SYN3: variants seen among roughly 807,000 people sequenced by gnomAD.
SYN3 encodes synapsin III.
In SYN3, 35 loss-of-function variants were observed where a neutral mutation model predicts 65.8. The ratio of observed to expected loss-of-function variants is 0.53; its 90% CI spans 0.41 to 0.70. The LOEUF (loss-of-function observed/expected upper bound fraction) is 0.70, where lower values mean the gene tolerates loss of function less well. SYN3 is among the 30% of genes least tolerant of loss of function. The pLI, the probability that SYN3 is intolerant of heterozygous loss-of-function variation, is 0.00. For missense variants in SYN3, 680 were observed against 749.0 expected, an observed-to-expected ratio of 0.91 and a Z score of 1.08; for synonymous variants, 270 against 292.9, an observed-to-expected ratio of 0.92 and a Z score of 0.80.
chr22:32,603,970 G>T (rs1347526847), intron 6 of SYN3, among the ~76,000 whole-genome samples: 2 of 152,214 alleles, frequency 1.3e-5, no homozygotes. Context: ...AGAACCCAAA[G>T]AAACCAAAAT....
Position 32,560,685 on chromosome 22 carries a change from C to T in SYN3, c.775-18972G>A, listed in dbSNP as rs143705950. On this transcript the variant is annotated intron_variant, in intron 7 of 13. Coordinates refer to ENST00000358763, the MANE Select transcript of SYN3 (RefSeq NM_003490.4). Reference sequence around the variant, plus strand: ...GGGTCATGTAGGGTCTCAGAGCCACCGCAACGACTTTCGTTTTTACTGCAA... The same window carrying T: ...GGGTCATGTAGGGTCTCAGAGCCACTGCAACGACTTTCGTTTTTACTGCAA... Among the ~76,000 whole-genome samples, 515 of 152,220 alleles carry T rather than the reference C, an allele frequency of 3.4e-3. 1 individual carries two copies. Among genetic ancestry groups the T allele is most frequent in the African/African-American group, 0.012 (493 of 41,538 alleles).
chr22:32,977,095 A>G (rs937240067), intron 3 of SYN3, among the ~76,000 whole-genome samples: 3 of 152,208 alleles, frequency 2.0e-5, no homozygotes, highest in Non-Finnish European at 2.9e-5. Context: ...CTACTGGGGA[A>G]AAATGCCCAA....
At chr22:32,547,938 A>G (rs2058357914) in intron 7 of SYN3, among the ~76,000 whole-genome samples, 1 of 152,196 alleles carries the variant, frequency 6.6e-6, no homozygotes, top group Non-Finnish European at 1.5e-5. Context: ...TCGTTATTCT[A>G]TGGAGTAAGT....
chr22:32,660,757 G>C (rs2060205916), intron 6 of SYN3, among the ~76,000 whole-genome samples: 1 of 152,176 alleles, frequency 6.6e-6, no homozygotes, highest in African/African-American at 2.4e-5. Context: ...TGGGATCCAT[G>C]GTGCCTACGC....
chr22:32,601,275 T>C (rs1180672871), intron 6 of SYN3, among the ~76,000 whole-genome samples: 1 of 149,758 alleles, frequency 6.7e-6, no homozygotes, highest in Non-Finnish European at 1.5e-5. Flanking sequence ...TGCCTTTTTT[T>C]TTCTTTCTTT....
At chr22:32,777,245 G>A (rs5754270) in intron 6 of SYN3, among the ~76,000 whole-genome samples, 107,329 of 151,912 alleles carry the variant, frequency 0.71, 38,478 homozygotes, top group African/African-American at 0.83. Context: ...TCGTGTCCCA[G>A]CTGTGGGTCT....
At chr22:32,519,753 G>A (rs1475427192) in intron 12 of SYN3, 1 of 152,270 alleles carries the variant, frequency 6.6e-6, no homozygotes, top group East Asian at 1.9e-4. Context: ...TTTTGCCAAA[G>A]CCGACTGGCT....
At chr22:32,662,060 G>A (rs3788479) in intron 6 of SYN3, among the ~76,000 whole-genome samples, 52,514 of 151,982 alleles carry the variant, frequency 0.35, 11,388 homozygotes, top group East Asian at 0.74. Flanking sequence ...TGTTTTACCC[G>A]GAGTCATCTG....
intron 7 of SYN3, among the ~76,000 whole-genome samples, chr22:32,551,952 T>C (rs2058422113): frequency 6.6e-6 from 1 of 152,180 alleles, no homozygotes; most frequent in Non-Finnish European, 1.5e-5. Flanking sequence ...CTTGTAGATA[T>C]TCTAAAAAAC....
chr22:32,540,074 A>C (rs762622502), intron 8 of SYN3, among the ~76,000 whole-genome samples: 5 of 152,170 alleles, frequency 3.3e-5, no homozygotes, highest in Non-Finnish European at 5.9e-5. Context: ...ACTTCCTTCT[A>C]GGGCAACTGC....
intron 6 of SYN3, among the ~76,000 whole-genome samples, chr22:32,792,654 TC>T (rs1228571277): frequency 6.6e-6 from 1 of 152,186 alleles, no homozygotes; most frequent in Non-Finnish European, 1.5e-5. Flanking sequence ...AAGTCACTTC[TC>T]CTGCCTTCTC....
At chr22:32,887,091 C>T (rs1175901447) in intron 4 of SYN3, among the ~76,000 whole-genome samples, 2 of 152,138 alleles carry the variant, frequency 1.3e-5, no homozygotes, top group Non-Finnish European at 2.9e-5. Context: ...TAGAAAGACC[C>T]ATGGAAAGGC....
At chr22:32,529,102 C>G in intron 10 of SYN3, 94 bp from the exon 11 acceptor site, 1 of 1,493,668 alleles carries the variant, frequency 6.7e-7, no homozygotes. Flanking sequence ...GGGCTCAGGA[C>G]AGAAGTGACC....
Position 32,882,905 on chromosome 22 carries a change from C to A in SYN3, c.462-13780G>T, listed in dbSNP as rs150477078. On this transcript the variant is annotated intron_variant, in intron 4 of 13. Transcript: ENST00000358763. ...CCTCAGAAGGCTTCTGAAGTCCCCCCGCCCCCCAACCAGCTCCTCTAAGCC... is the reference window on the plus strand; with the variant it reads ...CCTCAGAAGGCTTCTGAAGTCCCCCAGCCCCCCAACCAGCTCCTCTAAGCC... Among the ~76,000 whole-genome samples, 436 of 152,100 alleles carry A rather than the reference C, an allele frequency of 2.9e-3. 14 individuals carry two copies. Among genetic ancestry groups the A allele is most frequent in the Admixed American group, 0.022 (338 of 15,278 alleles).
intron 4 of SYN3, among the ~76,000 whole-genome samples, chr22:32,871,127 T>A (rs979312623): frequency 6.6e-6 from 1 of 152,246 alleles, no homozygotes; most frequent in South Asian, 2.1e-4. Context: ...TCCTTCTTCA[T>A]GAGGAAATAA....
At chr22:32,621,008 G>A (rs547346294) in intron 6 of SYN3, among the ~76,000 whole-genome samples, 12 of 152,134 alleles carry the variant, frequency 7.9e-5, no homozygotes, top group Non-Finnish European at 1.6e-4. Context: ...GTGAGCCACC[G>A]CACCTGACCA....
intron 6 of SYN3, among the ~76,000 whole-genome samples, chr22:32,623,105 A>C (rs2059617763): frequency 6.6e-6 from 1 of 152,146 alleles, no homozygotes; most frequent in Non-Finnish European, 1.5e-5. Flanking sequence ...TAATGGAAGG[A>C]GCATGAAAGT....
At chr22:32,904,969 T>C (rs2049862671) in intron 4 of SYN3, among the ~76,000 whole-genome samples, 1 of 152,230 alleles carries the variant, frequency 6.6e-6, no homozygotes, top group African/African-American at 2.4e-5. Flanking sequence ...ATAGTCATCA[T>C]TATGTGCTTT....
At chr22:32,812,612 C>G (rs1373154211) in intron 6 of SYN3, among the ~76,000 whole-genome samples, 1 of 152,182 alleles carries the variant, frequency 6.6e-6, no homozygotes, top group Non-Finnish European at 1.5e-5. Context: ...TTATCCACAG[C>G]CTACCTGAGC....
Sources: gnomAD v4.1 joint callset for allele counts (sites outside exome capture counted in the v4.1 genomes callset) on GRCh38, gnomAD v4.1.1 for gene constraint, MANE v1.5 for transcripts, NCBI Gene and HGNC (gene_info 2026-07-23, HGNC 2026-07-21) for gene names.